Variants in MAGI2 observed in about 807,000 individuals in gnomAD.
MAGI2 encodes membrane associated guanylate kinase, WW and PDZ domain containing 2, also known as membrane-associated guanylate kinase, WW and PDZ domain-containing protein 2.
Under a neutral mutation model 133.3 loss-of-function variants are expected in MAGI2, and 35 were observed. The ratio of observed to expected loss-of-function variants is 0.26; its 90% CI spans 0.20 to 0.35. The LOEUF is 0.35. Among genes scored for constraint, MAGI2 ranks in the 10% least tolerant of loss-of-function variants. The probability of loss-of-function intolerance (pLI) is 1.00; values close to 1 mark genes in which losing one functional copy is unlikely to be tolerated. For synonymous variants in MAGI2, 729 were observed against 710.6 expected (o/e 1.03, Z -0.41); for missense variants, 1,636 against 1,863.4 (o/e 0.88, Z 2.25).
rs532041422 is a variant in MAGI2 at position 78,997,556 on chromosome 7, C to T, written c.418+9534G>A. On this transcript the variant is annotated intron_variant, in intron 2 of 21. Coordinates refer to ENST00000354212, the MANE Select transcript of MAGI2 (RefSeq NM_012301.4). The stretch of plus-strand genomic sequence containing the variant: ...GGTGGAGATTGCGGTGAGCCGAGAT[C>T]GTGCCATTGCACTCCAGCCTGGGTG... 2.7e-5 allele frequency among the ~76,000 whole-genome samples: 4 copies of T among 148,688 alleles called. No individual in the cohort carries two copies. The East Asian group carries it at 8.1e-4, about 30-fold the overall frequency.
intron 6 of MAGI2, among the ~76,000 whole-genome samples, 158 bp downstream of exon 6, chr7:78,489,603 A>T (rs1793401952): frequency 6.6e-6 from 1 of 152,100 alleles, no homozygotes; most frequent in Non-Finnish European, 1.5e-5. Flanking sequence ...GCCCTGCTGA[A>T]ATGCCGAGTT....
chr7:79,037,427 T>C (rs1318469852), intron 1 of MAGI2, among the ~76,000 whole-genome samples: 1 of 152,116 alleles, frequency 6.6e-6, no homozygotes, highest in Non-Finnish European at 1.5e-5. Flanking sequence ...GTCCTGGAAC[T>C]TGACCAGGGC....
chr7:78,229,591 T>C (rs984100622), intron 10 of MAGI2, among the ~76,000 whole-genome samples: 1 of 152,200 alleles, frequency 6.6e-6, no homozygotes, highest in African/African-American at 2.4e-5. Context: ...CAGCCCGTGG[T>C]CCTGCAAGGA....
intron 3 of MAGI2, chr7:78,615,508 G>A (rs1806981521): frequency 6.6e-6 from 1 of 152,128 alleles, no homozygotes; most frequent in African/African-American, 2.4e-5. Flanking sequence ...ATTGATCCTG[G>A]GGGACCTGGC....
intron 3 of MAGI2, among the ~76,000 whole-genome samples, chr7:78,575,521 G>T (rs759149937): frequency 2.6e-4 from 40 of 152,240 alleles, no homozygotes; most frequent in Non-Finnish European, 2.6e-4. Context: ...AAATGAAAGG[G>T]GGTAGAGTGT....
intron 2 of MAGI2, among the ~76,000 whole-genome samples, chr7:78,936,996 C>A (rs1357035541): frequency 6.6e-6 from 1 of 151,960 alleles, no homozygotes; most frequent in East Asian, 1.9e-4. Flanking sequence ...ATCTAGCACC[C>A]AGGTCTTGAA....
At chr7:78,412,052 T>C (rs778789931) in intron 6 of MAGI2, among the ~76,000 whole-genome samples, 4 of 152,080 alleles carry the variant, frequency 2.6e-5, no homozygotes, top group Non-Finnish European at 5.9e-5. Context: ...AGTGCAACTT[T>C]AAGGCATTGT....
intron 2 of MAGI2, among the ~76,000 whole-genome samples, chr7:78,768,123 A>G (rs892665385): frequency 1.3e-5 from 2 of 152,348 alleles, no homozygotes; most frequent in Non-Finnish European, 2.9e-5. Flanking sequence ...AGTGCCATCC[A>G]TCTTCTCCAA....
intron 3 of MAGI2, among the ~76,000 whole-genome samples, chr7:78,580,043 A>C (rs1333953309): frequency 6.6e-6 from 1 of 152,202 alleles, no homozygotes; most frequent in Non-Finnish European, 1.5e-5. Context: ...CAATTTATAA[A>C]ATGTAACTTA....
intron 1 of MAGI2, among the ~76,000 whole-genome samples, chr7:79,317,148 G>C (rs1838801211): frequency 6.6e-6 from 1 of 150,710 alleles, no homozygotes; most frequent in Admixed American, 6.7e-5. Flanking sequence ...TCAGCCTCCT[G>C]AGTAGCTAGG....
In MAGI2 at chr7:78,040,978, C is replaced by T. The variant is rs3779335; in HGVS notation, c.3707-21002G>A. Among the ~76,000 whole-genome samples the T allele has an allele frequency of 1.6e-4, 25 of 152,300 alleles. No individual in the cohort carries two copies. In the East Asian group the frequency reaches 4.2e-3, roughly 26 times the overall value. The stretch of plus-strand genomic sequence containing the variant: ...CTGCCCGCTTGTGCATCCTTTGACC[C>T]TCCACCAGCACTTTGTTGAATGCTC... On this transcript the variant is annotated intron_variant, in intron 21 of 21. Transcript: ENST00000354212.
chr7:78,549,673 G>A (rs142523255), intron 3 of MAGI2, among the ~76,000 whole-genome samples: 2,163 of 152,222 alleles, frequency 0.014, 25 homozygotes, highest in Middle Eastern at 0.041. Context: ...TCTTGTTACT[G>A]ATGTGACACA....
intron 16 of MAGI2, among the ~76,000 whole-genome samples, chr7:78,158,909 C>CAGTGCTTGAGATAT (rs1304238433): frequency 6.6e-5 from 10 of 152,040 alleles, no homozygotes; most frequent in African/African-American, 2.4e-4. Flanking sequence ...TTTTGCAGAC[C>CAGTGCTTGAGATAT]TTGCACTCAG....
At chr7:79,157,532 AG>A (rs1823900565) in intron 1 of MAGI2, among the ~76,000 whole-genome samples, 1 of 149,014 alleles carries the variant, frequency 6.7e-6, no homozygotes, top group Non-Finnish European at 1.5e-5. Flanking sequence ...CAAAATTCCT[AG>A]GCCACATCTC....
At chr7:78,130,472 G>C (rs551351125) in intron 18 of MAGI2, among the ~76,000 whole-genome samples, 1 of 152,298 alleles carries the variant, frequency 6.6e-6, no homozygotes, top group East Asian at 1.9e-4. Flanking sequence ...AACTGTCTTA[G>C]AGACATCTCC....
rs772339405 is a variant in MAGI2 at position 78,185,645 on chromosome 7, A to G, written c.2295T>C (p.Phe765=). ...SRQQVPPRTS[F]RMDSSGPDYK... ...AATACTTGCCAGAGGAATCCATTCG[A>G]AAACTGGTCCTGGGTGGCACTTGTT... Residue 765 remains phenylalanine (F), a synonymous_variant, in exon 13 of 22, where the codon TTT becomes TTC. Coordinates refer to ENST00000354212, the MANE Select transcript of MAGI2 (RefSeq NM_012301.4). 1.9e-6 allele frequency: 3 copies of G among 1,592,756 alleles called. No individual in the cohort carries two copies. The highest frequency in any genetic ancestry group is 2.6e-6 in the Non-Finnish European group (3 of 1,165,210).
At position 78,632,544 on chromosome 7, in the gene MAGI2, C is replaced by T. The variant is rs148476625; in HGVS notation, c.419-5305G>A. On this transcript the variant is annotated intron_variant, in intron 2 of 21. Coordinates refer to ENST00000354212, the MANE Select transcript of MAGI2 (RefSeq NM_012301.4). The stretch of plus-strand genomic sequence containing the variant: ...ATATTTTAGAAAGAATCACTACATC[C>T]TTAAAGAGAAATTCCACTTATTTCA... Among the ~76,000 whole-genome samples, 810 of 152,296 alleles carry T rather than the reference C, an allele frequency of 5.3e-3. 3 individuals are homozygous for T. Among genetic ancestry groups the T allele is most frequent in the African/African-American group, 0.018 (762 of 41,560 alleles).
chr7:79,354,806 G>T (rs558990210), intron 1 of MAGI2, among the ~76,000 whole-genome samples: 1 of 152,288 alleles, frequency 6.6e-6, no homozygotes, highest in South Asian at 2.1e-4. Flanking sequence ...GTGCCTTAAA[G>T]GCATTTGATA....
At chr7:79,218,386 C>T (rs986383169) in intron 1 of MAGI2, among the ~76,000 whole-genome samples, 6 of 152,032 alleles carry the variant, frequency 3.9e-5, no homozygotes, top group Non-Finnish European at 7.3e-5. Flanking sequence ...TAGAGACAGA[C>T]GCCGTCAGGT....
Sources: gnomAD v4.1 joint callset for allele counts (sites outside exome capture counted in the v4.1 genomes callset) on GRCh38, gnomAD v4.1.1 for gene constraint, MANE v1.5 for transcripts, NCBI Gene and HGNC (gene_info 2026-07-23, HGNC 2026-07-21) for gene names.